Variants in SLC44A4 observed in about 807,000 individuals in gnomAD.
SLC44A4 encodes choline transporter-like protein 4.
SLC44A4 carries 74 observed loss-of-function variants against 97.0 expected under a neutral mutation model. The observed-to-expected ratio is 0.76, with a 90% confidence interval of 0.63 to 0.93. The LOEUF (loss-of-function observed/expected upper bound fraction) is 0.93, where lower values mean the gene tolerates loss of function less well. Ranked by LOEUF, SLC44A4 falls within the 40% of genes least tolerant of loss-of-function variation. The pLI, the probability that SLC44A4 is intolerant of heterozygous loss-of-function variation, is 0.00. For missense variants in SLC44A4, 799 were observed against 902.9 expected, an observed-to-expected ratio of 0.88 and a Z score of 1.48; for synonymous variants, 325 against 363.8, an observed-to-expected ratio of 0.89 and a Z score of 1.21.
intron 4 of SLC44A4, 117 bp downstream of exon 4, chr6:31,875,735 C>T: frequency 1.1e-6 from 1 of 900,964 alleles, no homozygotes; most frequent in East Asian, 2.5e-5. Flanking sequence ...GGGGTGGGGA[C>T]AGCAGGGAAA....
chr6:31,863,433 G>T lies in SLC44A4; in HGVS notation c.*194C>A. On this transcript the variant is annotated 3_prime_UTR_variant, in exon 21 of 21. Transcript: ENST00000229729. The stretch of plus-strand genomic sequence containing the variant: ...TAGAGACGGAGGTTTCACCATGTTG[G>T]CCAGGCTGGTCTCGAACTCCTGACT... The T allele has an allele frequency of 3.0e-6, 2 of 662,682 alleles. No homozygotes were observed. Among genetic ancestry groups the T allele is most frequent in the Non-Finnish European group, 4.7e-6 (2 of 425,962 alleles). 41.1% of individuals were successfully genotyped at this position (662,682 alleles called of 1,614,324 possible).
rs1391233869 is a variant in SLC44A4 at position 31,878,424 on chromosome 6, C to G, written c.40+517G>C. ...CCTGGCAGGCAGAGGCCAGCCCACT[C>G]AGGGTCCCCTCACTCCTCAAGGGAG... On this transcript the variant is annotated intron_variant, in intron 1 of 20. Transcript: ENST00000229729. This position sits in a 1 kb window ranked among gnomAD's most constrained non-coding sequence, Gnocchi z 4.0. 6.6e-6 allele frequency among the ~76,000 whole-genome samples: 1 copy of G among 152,022 alleles called. No individual in the cohort carries two copies. The highest frequency in any genetic ancestry group is 2.4e-5 in the African/African-American group (1 of 41,372).
Position 31,864,891 on chromosome 6 carries a change from A to G in SLC44A4, c.1851T>C (p.Phe617=). 6.2e-7 allele frequency: 1 copy of G among 1,614,064 alleles called. No homozygotes were observed. Among genetic ancestry groups the G allele is most frequent in the Non-Finnish European group, 8.5e-7 (1 of 1,179,974 alleles). ...CCAGCCCCGGGATGCGACCGGAGAA[A>G]AAAAAGAAGGACAGGACCCCTGTGG... ...VGGVGVLSFF[F]FSGRIPGLGK... is the part of the protein sequence containing the mutation. The change falls in exon 19 of 21, where the codon TTT becomes TTC. Residue 617 remains phenylalanine (F), a synonymous_variant. Coordinates refer to ENST00000229729, the MANE Select transcript of SLC44A4 (RefSeq NM_025257.3).
chr6:31,864,456 C>T, intron 20 of SLC44A4, 196 bp downstream of exon 20: 1 of 606,950 alleles, frequency 1.6e-6, no homozygotes, highest in Non-Finnish European at 2.9e-6. Flanking sequence ...CTTTGGAGAG[C>T]CTACCGGCCT....
Position 31,870,971 on chromosome 6 carries a change from C to A in SLC44A4, c.778G>T (p.Val260Leu). The change falls in exon 10 of 21, where the codon GTG becomes TTG. Residue 260 changes from valine to leucine, a missense_variant. Val to Leu is a conservative substitution (Grantham distance 32). Transcript: ENST00000229729. ...LRLVAGPLVL[V>L]LILGVLGVLA... ...ACGCCCAGCACTCCCAGGATCAGCA[C>A]CAGCACCAGGGGCCCAGCCACCAGG... 1.2e-6 allele frequency: 2 copies of A among 1,612,586 alleles called. No individual in the cohort carries two copies. The highest frequency in any genetic ancestry group is 1.7e-6 in the Non-Finnish European group (2 of 1,179,664).
chr6:31,865,298 G>T lies in SLC44A4; in HGVS notation c.1760+17C>A, dbSNP rs192589833. ...ATCAGAGGAGGGAGCCACAAAGCGG[G>T]GGGGGAGCAGCCTAACCTGACAATG... On this transcript the variant is annotated intron_variant, in intron 17 of 20. Coordinates refer to ENST00000229729, the MANE Select transcript of SLC44A4 (RefSeq NM_025257.3). This position sits in a 1 kb window ranked among gnomAD's most constrained non-coding sequence, Gnocchi z 5.2. The T allele has an allele frequency of 8.6e-5, 139 of 1,613,962 alleles. No individual in the cohort carries two copies. Among genetic ancestry groups the T allele is most frequent in the East Asian group, 7.6e-4 (34 of 44,886 alleles).
chr6:31,869,793 G>A (rs1301808636), intron 11 of SLC44A4, among the ~76,000 whole-genome samples, 156 bp from the exon 12 acceptor site: 1 of 152,160 alleles, frequency 6.6e-6, no homozygotes, highest in Non-Finnish European at 1.5e-5. Flanking sequence ...AGACCATGCT[G>A]GCTAACACGG....
At position 31,876,277 on chromosome 6, in the gene SLC44A4, T is replaced by C; in HGVS notation, c.90-148A>G. 1.6e-6 allele frequency: 1 copy of C among 630,628 alleles called. No individual in the cohort carries two copies. The highest frequency in any genetic ancestry group is 2.7e-6 in the Non-Finnish European group (1 of 370,220). 39.1% of individuals were successfully genotyped at this position (630,628 alleles called of 1,614,324 possible). On this transcript the variant is annotated intron_variant, in intron 2 of 20. Transcript: ENST00000229729. The surrounding 1 kb of genome is among the most constrained non-coding windows in gnomAD (Gnocchi z 4.8). The stretch of plus-strand genomic sequence containing the variant: ...TTTTTATTTTTTTATTGCTTTTACT[T>C]TTTTATTTTGAGACAGGGTCTCACT...
intron 7 of SLC44A4, among the ~76,000 whole-genome samples, chr6:31,873,979 G>A (rs1409289735): frequency 7.9e-5 from 12 of 151,870 alleles, no homozygotes; most frequent in Non-Finnish European, 1.3e-4. Flanking sequence ...GCGTGGTGGC[G>A]GGCACCATGT....
intron 20 of SLC44A4, among the ~76,000 whole-genome samples, chr6:31,864,063 CTTT>C (rs60189689): frequency 3.4e-5 from 5 of 145,204 alleles, no homozygotes; most frequent in South Asian, 2.2e-4. Context: ...TCTAATGGCT[CTTT>C]TTTTTTTTTA....
At position 31,864,992 on chromosome 6, in the gene SLC44A4, C is replaced by A. The variant is rs753577272; in HGVS notation, c.1831+18G>T. On this transcript the variant is annotated intron_variant, in intron 18 of 20. Coordinates refer to ENST00000229729, the MANE Select transcript of SLC44A4 (RefSeq NM_025257.3). ...CCAGCACCCCTACCCTCTGTCCCCA[C>A]AGCTTCTGGTCCCTTACCCACGCCT... The A allele has an allele frequency of 6.2e-7, 1 of 1,614,072 alleles. No homozygotes were observed. The highest frequency in any genetic ancestry group is 8.5e-7 in the Non-Finnish European group (1 of 1,180,022).
In SLC44A4 at chr6:31,863,645, G is replaced by C. The variant is rs779974913; in HGVS notation, c.2115C>G (p.Asn705Lys). 5.6e-6 allele frequency: 9 copies of C among 1,611,720 alleles called. No individual in the cohort carries two copies. Among genetic ancestry groups the C allele is most frequent in the South Asian group, 2.2e-5 (2 of 90,918 alleles). ...GGAGCTGTCACTTCTTCCTCTTCTT[G>C]TTGTCCGGGGGCGCCTCGTTCTTCT... ...LGKKNEAPPD[N>K]KKRKK The change falls in exon 21 of 21, where the codon AAC (asparagine) becomes AAG (lysine). Residue 705 changes from asparagine to lysine, a missense_variant. Asn to Lys is a moderately conservative substitution (Grantham distance 94). Coordinates refer to ENST00000229729, the MANE Select transcript of SLC44A4 (RefSeq NM_025257.3).
chr6:31,864,721 C>A lies in SLC44A4; in HGVS notation c.1942G>T (p.Ala648Ser), dbSNP rs1398870232. The change falls in exon 20 of 21, where the codon GCC (alanine) becomes TCC (serine). Residue 648 changes from alanine to serine, a missense_variant. Physicochemically the swap from Ala to Ser is moderately conservative, Grantham distance 99. Coordinates refer to ENST00000229729, the MANE Select transcript of SLC44A4 (RefSeq NM_025257.3). ...WLPIMTSILG[A>S]YVIASGFFSV... ...AAGAAGCCGCTGGCGATGACATAGG[C>A]CCCCAGGATGGAGGTCTGGAAGACA... 6.2e-7 allele frequency: 1 copy of A among 1,613,984 alleles called. No homozygotes were observed. The highest frequency in any genetic ancestry group is 8.5e-7 in the Non-Finnish European group (1 of 1,179,990).
In SLC44A4 at chr6:31,865,792, G is replaced by A; in HGVS notation, c.1488-8C>T. The A allele has an allele frequency of 6.2e-7, 1 of 1,613,842 alleles. No individual in the cohort carries two copies. Among genetic ancestry groups the A allele is most frequent in the East Asian group, 2.2e-5 (1 of 44,872 alleles). On this transcript the variant is annotated splice_polypyrimidine_tract_variant and splice_region_variant and intron_variant, in intron 14 of 20. Transcript: ENST00000229729. This position sits in a 1 kb window ranked among gnomAD's most constrained non-coding sequence, Gnocchi z 5.2. ...AATGACCCAGTGTGGTAACTGCAGA[G>A]GGTGTTATGCAGTCAGAGACAGCTC...
chr6:31,874,799 G>A lies in SLC44A4; in HGVS notation c.390C>T (p.Asn130=), dbSNP rs568498689. 6.8e-6 allele frequency: 11 copies of A among 1,613,968 alleles called. No homozygotes were observed. The highest frequency in any genetic ancestry group is 2.7e-5 in the African/African-American group (2 of 74,998). Residue 130 remains asparagine, a synonymous_variant, in exon 6 of 21, where the codon AAC becomes AAT. Coordinates refer to ENST00000229729, the MANE Select transcript of SLC44A4 (RefSeq NM_025257.3). This position sits in a 1 kb window ranked among gnomAD's most constrained non-coding sequence, Gnocchi z 4.8. ...CTTCCCCAACAGTCTGTGAGAACTC[G>A]TTTTTTCCCACAGTCCATGGGTCCT... is the stretch of plus-strand genomic sequence containing the variant. ...CPEDPWTVGK[N]EFSQTVGEVF...
rs1464842975 is a variant in SLC44A4, at chr6:31,871,058, G to C, written c.702-11C>G. On this transcript the variant is annotated splice_polypyrimidine_tract_variant and intron_variant, in intron 9 of 20. Coordinates refer to ENST00000229729, the MANE Select transcript of SLC44A4 (RefSeq NM_025257.3). ...GCCACCCCCAGGGCACTGTAGGCAGGGTGAGGACAGTGAGGTTCAGCCCTA... is the reference window on the plus strand; with the variant it reads ...GCCACCCCCAGGGCACTGTAGGCAGCGTGAGGACAGTGAGGTTCAGCCCTA... 6 of 1,594,160 alleles carry C rather than the reference G, an allele frequency of 3.8e-6. No individual in the cohort carries two copies. The highest frequency in any genetic ancestry group is 5.1e-6 in the Non-Finnish European group (6 of 1,171,186).
At chr6:31,875,995 G>C (rs1763421458) in intron 3 of SLC44A4, 61 bp downstream of exon 3, 1 of 1,612,200 alleles carries the variant, frequency 6.2e-7, no homozygotes, top group South Asian at 1.1e-5. Flanking sequence ...TATGGGAATG[G>C]TCCCTCCCTG....
chr6:31,866,402 G>A (rs1247636174), intron 13 of SLC44A4, among the ~76,000 whole-genome samples: 1 of 152,170 alleles, frequency 6.6e-6, no homozygotes, highest in Non-Finnish European at 1.5e-5. Flanking sequence ...CCTCTGCAAC[G>A]TCTACCAAAA....
chr6:31,865,656 C>A lies in SLC44A4; in HGVS notation c.1582+34G>T. The stretch of plus-strand genomic sequence containing the variant: ...ACTGCCCCTCCCTAATGGCCTTCCC[C>A]AGCTCCTGACTCCTACTCCGACTCC... On this transcript the variant is annotated intron_variant, in intron 15 of 20. Coordinates refer to ENST00000229729, the MANE Select transcript of SLC44A4 (RefSeq NM_025257.3). This position sits in a 1 kb window ranked among gnomAD's most constrained non-coding sequence, Gnocchi z 5.2. 6.2e-7 allele frequency: 1 copy of A among 1,612,644 alleles called. No homozygotes were observed. Among genetic ancestry groups the A allele is most frequent in the South Asian group, 1.1e-5 (1 of 91,070 alleles).
Sources: gnomAD v4.1 joint callset for allele counts (sites outside exome capture counted in the v4.1 genomes callset) on GRCh38, gnomAD v4.1.1 for gene constraint, Gnocchi (gnomAD v3.1) non-coding constraint, MANE v1.5 for transcripts, NCBI Gene and HGNC (gene_info 2026-07-23, HGNC 2026-07-21) for gene names.